TBCD: variants seen among roughly 807,000 people sequenced by gnomAD.
TBCD encodes the protein tubulin-specific chaperone D.
TBCD carries 105 observed loss-of-function variants against 169.3 expected under a neutral mutation model. The observed-to-expected ratio is 0.62, with a 90% CI of 0.53 to 0.73. The LOEUF is 0.73. Ranked by LOEUF, TBCD falls within the 30% of genes least tolerant of loss-of-function variation. The pLI is 0.00. For synonymous variants in TBCD, 700 were observed against 643.9 expected (o/e 1.09, Z -1.32); for missense variants, 1,444 against 1,600.1 (o/e 0.90, Z 1.66).
rs138060108 is a variant in TBCD at position 82,930,844 on chromosome 17, C to T, written c.3113+201C>T. Among the ~76,000 whole-genome samples the T allele has an allele frequency of 5.3e-5, 8 of 152,302 alleles. No individual in the cohort carries two copies. Among genetic ancestry groups the T allele is most frequent in the South Asian group, 2.1e-4 (1 of 4,824 alleles). ...CCGGGCGGCCAGGCCTCAGCCCCTGCGCCTCCTCTTCTAGCCTCCACATGA... is the reference window on the plus strand; with the variant it reads ...CCGGGCGGCCAGGCCTCAGCCCCTGTGCCTCCTCTTCTAGCCTCCACATGA... On this transcript the variant is annotated intron_variant, in intron 33 of 38. Transcript: ENST00000355528. This position sits in a 1 kb window ranked among gnomAD's most constrained non-coding sequence, Gnocchi z 5.2.
chr17:82,881,191 C>T (rs1182370861), intron 14 of TBCD, among the ~76,000 whole-genome samples: 2 of 152,204 alleles, frequency 1.3e-5, no homozygotes, highest in Admixed American at 1.3e-4. Flanking sequence ...TCTCTCGGCC[C>T]GGTGGTGAGC....
chr17:82,793,564 G>A (rs2049895726), intron 7 of TBCD, among the ~76,000 whole-genome samples: 1 of 152,342 alleles, frequency 6.6e-6, no homozygotes, highest in East Asian at 1.9e-4. Context: ...CCTCAGTGAA[G>A]CCTTTGCACG....
rs1328721299 is a variant in TBCD at position 82,850,531 on chromosome 17, TGTTGTTA to T, written c.1319-19691_1319-19685del. On this transcript the variant is annotated intron_variant, in intron 13 of 38. Coordinates refer to ENST00000355528, the MANE Select transcript of TBCD (RefSeq NM_005993.5). ...TTGGCTGTGCTGTTGTTGGCTGTGC[TGTTGTTA>T]GCTGTGCTGTTGTTGGCTGTGCTGT... Among the ~76,000 whole-genome samples, 297 of 98,930 alleles carry T rather than the reference TGTTGTTA, an allele frequency of 3.0e-3. 8 individuals are homozygous for T. The highest frequency in any genetic ancestry group is 0.012 in the South Asian group (45 of 3,812). 64.9% of individuals were successfully genotyped at this position (98,930 alleles called of 152,430 possible).
chr17:82,800,749 G>T, intron 8 of TBCD, 115 bp from the exon 9 acceptor site: 1 of 1,290,830 alleles, frequency 7.7e-7, no homozygotes, highest in Non-Finnish European at 1.1e-6. Context: ...GGGTCTTGGT[G>T]ATGTCTCCTG....
At position 82,852,594 on chromosome 17, in the gene TBCD, A is replaced by T. The variant is rs75615826; in HGVS notation, c.1319-17630A>T. Among the ~76,000 whole-genome samples, 194 of 152,258 alleles carry T rather than the reference A, an allele frequency of 1.3e-3. No homozygotes were observed. The Middle Eastern group carries it at 0.024, about 19-fold the overall frequency. On this transcript the variant is annotated intron_variant, in intron 13 of 38. Coordinates refer to ENST00000355528, the MANE Select transcript of TBCD (RefSeq NM_005993.5). ...TCCTCTTCTTAGGCGGACACTGGTC[A>T]TAGCAGATCCGGGCCCCACTTGCGT...
chr17:82,761,604 A>G (rs1334455942), intron 2 of TBCD, among the ~76,000 whole-genome samples: 1 of 152,062 alleles, frequency 6.6e-6, no homozygotes, highest in Non-Finnish European at 1.5e-5. Context: ...ATCATTCAGT[A>G]TGTGCTCTTT....
At chr17:82,860,726 G>A (rs975175515) in intron 13 of TBCD, among the ~76,000 whole-genome samples, 1 of 152,176 alleles carries the variant, frequency 6.6e-6, no homozygotes, top group Non-Finnish European at 1.5e-5. Context: ...CCCTGGACGG[G>A]GTTCGGTTCC....
In TBCD at chr17:82,772,461, A is replaced by G. The variant is rs1161761682; in HGVS notation, c.592A>G (p.Ile198Val). 1.2e-6 allele frequency: 2 copies of G among 1,613,590 alleles called. No homozygotes were observed. Among genetic ancestry groups the G allele is most frequent in the Non-Finnish European group, 1.7e-6 (2 of 1,179,834 alleles). ...RILQIAESYLIVSDKARDAAA... is the reference protein window; with the variant it reads ...RILQIAESYLVVSDKARDAAA... ...TCACCCTTTCTTGCAGTCCTACTTG[A>G]TTGTCAGTGACAAGGCCCGAGATGC... The change falls in exon 6 of 39, where the codon ATT (isoleucine) becomes GTT (valine). Residue 198 changes from isoleucine to valine, a missense_variant. Ile to Val is a conservative substitution (Grantham distance 29, BLOSUM62 3). Transcript: ENST00000355528.
chr17:82,941,005 A>G (rs779072639), intron 37 of TBCD, among the ~76,000 whole-genome samples: 26 of 152,248 alleles, frequency 1.7e-4, no homozygotes, highest in Non-Finnish European at 3.1e-4. Context: ...TAAATTAGAA[A>G]CGAAAAACAT....
At chr17:82,937,196 CTTT>C in intron 34 of TBCD, 72 bp from the exon 35 acceptor site, 2 of 1,419,442 alleles carry the variant, frequency 1.4e-6, no homozygotes, top group Admixed American at 1.7e-5. Context: ...AGTTGACCTT[CTTT>C]GAGACAGAAA....
At chr17:82,775,587 C>G (rs544661279) in intron 6 of TBCD, among the ~76,000 whole-genome samples, 1 of 152,038 alleles carries the variant, frequency 6.6e-6, no homozygotes, top group Non-Finnish European at 1.5e-5. Context: ...ACTGGCGGCT[C>G]TACAGCTGCA....
intron 23 of TBCD, among the ~76,000 whole-genome samples, chr17:82,917,558 A>G (rs1036170002): frequency 5.3e-5 from 8 of 152,222 alleles, no homozygotes; most frequent in African/African-American, 1.9e-4. Context: ...GACATGACAG[A>G]AATGCTTTGA....
chr17:82,904,871 C>T lies in TBCD; in HGVS notation c.1805-1065C>T, dbSNP rs560849259. 2.6e-5 allele frequency among the ~76,000 whole-genome samples: 4 copies of T among 152,294 alleles called. No individual in the cohort carries two copies. In the South Asian group the frequency reaches 8.3e-4, roughly 32 times the overall value. Reference sequence around the variant, plus strand: ...AACCCTTGCTGACACTGAGGGGGCTCAGCTTTGTCCTCCACCCGGTTGAAG... The same window carrying T: ...AACCCTTGCTGACACTGAGGGGGCTTAGCTTTGTCCTCCACCCGGTTGAAG... On this transcript the variant is annotated intron_variant, in intron 19 of 38. Coordinates refer to ENST00000355528, the MANE Select transcript of TBCD (RefSeq NM_005993.5).
rs113712631 is a variant in TBCD at position 82,830,805 on chromosome 17, G to A, written c.1318+15871G>A. 1.4e-5 allele frequency: 23 copies of A among 1,613,546 alleles called. 1 individual carries two copies. The African/African-American group carries it at 2.1e-4, about 15-fold the overall frequency. ...CCATCCCGGAGCTGTCGTCCGGACT[G>A]GAAGGCGCGGCCTCCGAGACGAGAG... On this transcript the variant is annotated intron_variant, in intron 13 of 38. Coordinates refer to ENST00000355528, the MANE Select transcript of TBCD (RefSeq NM_005993.5).
Position 82,874,872 on chromosome 17 carries a change from A to G in TBCD, c.1475+4492A>G, listed in dbSNP as rs1249670369. On this transcript the variant is annotated intron_variant, in intron 14 of 38. Transcript: ENST00000355528. The surrounding 1 kb of genome is among the most constrained non-coding windows in gnomAD (Gnocchi z 5.0). ...ATGCCCGTCAATTTGGGAACGTGAT[A>G]CAATCTTGATTTCTCTAACTTTCAC... is the stretch of plus-strand genomic sequence containing the variant. 6.6e-6 allele frequency among the ~76,000 whole-genome samples: 1 copy of G among 152,174 alleles called. No individual in the cohort carries two copies. Among genetic ancestry groups the G allele is most frequent in the East Asian group, 1.9e-4 (1 of 5,196 alleles).
chr17:82,854,327 G>GCTTT (rs1472774704), intron 13 of TBCD, among the ~76,000 whole-genome samples: 2 of 152,186 alleles, frequency 1.3e-5, no homozygotes, highest in Non-Finnish European at 2.9e-5. Flanking sequence ...GCCCCCTTCA[G>GCTTT]CTTTGATAAA....
At chr17:82,873,525 C>T (rs775236968) in intron 14 of TBCD, among the ~76,000 whole-genome samples, 32 of 152,188 alleles carry the variant, frequency 2.1e-4, no homozygotes, top group Non-Finnish European at 4.1e-4. Context: ...CCGAACAAAT[C>T]AAGTCCCCGC....
At chr17:82,898,856 C>T (rs1463112485) in intron 17 of TBCD, among the ~76,000 whole-genome samples, 1 of 152,264 alleles carries the variant, frequency 6.6e-6, no homozygotes, top group Non-Finnish European at 1.5e-5. Flanking sequence ...ACGCTTTCAG[C>T]TGCCCCTGTA....
rs2063449640 is a variant in TBCD, at chr17:82,943,162, GAAATAAATACCATTCTT to G, written c.*700_*716del. The G allele has an allele frequency of 6.6e-6, 1 of 152,336 alleles. No individual in the cohort carries two copies. Among genetic ancestry groups the G allele is most frequent in the Non-Finnish European group, 1.5e-5 (1 of 68,140 alleles). The allele number at this position is 152,336 out of a possible 1,614,324, so 9.4% of individuals were successfully genotyped here. ...AATGTGTGCCTCTACAGTAATGTCG[GAAATAAATACCATTCTT>G]GAAATAATTACACTGTCTTAGGAGA... On this transcript the variant is annotated 3_prime_UTR_variant, in exon 39 of 39. Transcript: ENST00000355528.
Sources: allele counts gnomAD v4.1 joint callset (sites outside exome capture counted in the v4.1 genomes callset), GRCh38; gene constraint gnomAD v4.1.1; non-coding constraint Gnocchi (gnomAD v3.1); transcripts MANE v1.5; gene names NCBI Gene and HGNC (gene_info 2026-07-23, HGNC 2026-07-21).